The following BABAM2 variants were observed in gnomAD, a reference collection of about 807,000 sequenced individuals.
BABAM2 encodes BRISC and BRCA1-A complex member 2.
A neutral mutation model predicts 54.7 loss-of-function variants in BABAM2; 31 were observed. That is an observed-to-expected ratio of 0.57 (90% CI 0.43 to 0.77). The LOEUF (loss-of-function observed/expected upper bound fraction) is 0.77. BABAM2 is among the 30% of genes least tolerant of loss of function. BABAM2 has a pLI of 0.00. For missense variants in BABAM2, 364 were observed against 455.8 expected (o/e 0.80, Z 1.83); for synonymous variants, 167 against 162.9 (o/e 1.03, Z -0.19).
intron 6 of BABAM2, among the ~76,000 whole-genome samples, chr2:28,054,072 T>A (rs1678206227): frequency 6.6e-6 from 1 of 152,154 alleles, no homozygotes; most frequent in Non-Finnish European, 1.5e-5. Context: ...TAAACCGTTT[T>A]TTTAAATCCA....
chr2:28,092,596 G>A (rs1375829476), intron 6 of BABAM2, among the ~76,000 whole-genome samples: 3 of 152,144 alleles, frequency 2.0e-5, no homozygotes, highest in African/African-American at 7.2e-5. Context: ...GTATACCATG[G>A]GATGGGCCCA....
At chr2:28,303,704 C>A (rs1206413626) in intron 11 of BABAM2, among the ~76,000 whole-genome samples, 1 of 151,916 alleles carries the variant, frequency 6.6e-6, no homozygotes, top group African/African-American at 2.4e-5. Flanking sequence ...CACCTCTCCC[C>A]ACTCCAACGC....
At chr2:27,916,085 C>T (rs1486411598) in intron 2 of BABAM2, among the ~76,000 whole-genome samples, 1 of 152,174 alleles carries the variant, frequency 6.6e-6, no homozygotes, top group African/African-American at 2.4e-5. Context: ...CAAAGCTCTG[C>T]TAGTACATTC....
intron 10 of BABAM2, among the ~76,000 whole-genome samples, chr2:28,288,420 G>C (rs933938832): frequency 1.3e-5 from 2 of 149,340 alleles, no homozygotes; most frequent in Non-Finnish European, 1.5e-5. Context: ...CCCCCTCCCC[G>C]GTTCAAGCAA....
intron 7 of BABAM2, among the ~76,000 whole-genome samples, chr2:28,154,150 T>C (rs1672324819): frequency 6.6e-6 from 1 of 152,190 alleles, no homozygotes; most frequent in Non-Finnish European, 1.5e-5. Flanking sequence ...AGCATATAGC[T>C]CACCTAAGCT....
chr2:28,195,352 G>T lies in BABAM2; in HGVS notation c.681-41850G>T, dbSNP rs146707739. On this transcript the variant is annotated intron_variant, in intron 7 of 11. Transcript: ENST00000379624. ...TCTTACTATACTTTTCAAATGTCTT[G>T]CTCTCTTATAGATAATAATAACATA... Among the ~76,000 whole-genome samples, 687 of 152,072 alleles carry T rather than the reference G, an allele frequency of 4.5e-3. 4 individuals carry two copies. The highest frequency in any genetic ancestry group is 5.6e-3 in the Non-Finnish European group (383 of 67,988).
At chr2:28,327,241 CCTT>C in intron 11 of BABAM2, 2 of 1,575,400 alleles carry the variant, frequency 1.3e-6, no homozygotes, top group Non-Finnish European at 1.7e-6. Context: ...GCTGGCCCTC[CCTT>C]CTCCTCCTCC....
chr2:28,239,741 C>A (rs914867986), intron 8 of BABAM2, among the ~76,000 whole-genome samples: 2 of 152,156 alleles, frequency 1.3e-5, no homozygotes, highest in African/African-American at 4.8e-5. Flanking sequence ...ATTCAAAAAT[C>A]ATCATTTTGC....
rs1688402809 is a variant in BABAM2 at position 28,304,983 on chromosome 2, T to C, written c.1088+6492T>C. On this transcript the variant is annotated intron_variant, in intron 11 of 11. Transcript: ENST00000379624. The surrounding 1 kb of genome is among the most constrained non-coding windows in gnomAD (Gnocchi z 4.0). Reference sequence around the variant, plus strand: ...ATGAGCCAGCACGCCCAGCCTGCAATTTCTTACATAAACAGTCACGCCTTA... The same window carrying C: ...ATGAGCCAGCACGCCCAGCCTGCAACTTCTTACATAAACAGTCACGCCTTA... Among the ~76,000 whole-genome samples the C allele has an allele frequency of 6.6e-6, 1 of 152,204 alleles. No homozygotes were observed. Among genetic ancestry groups the C allele is most frequent in the Non-Finnish European group, 1.5e-5 (1 of 68,028 alleles).
intron 2 of BABAM2, among the ~76,000 whole-genome samples, chr2:27,916,794 G>A (rs912694643): frequency 6.6e-6 from 1 of 152,064 alleles, no homozygotes; most frequent in Non-Finnish European, 1.5e-5. Context: ...AGCTAAAAGT[G>A]GTTTCTCTGC....
At chr2:28,332,092 A>T (rs1005755427) in intron 11 of BABAM2, among the ~76,000 whole-genome samples, 3 of 152,204 alleles carry the variant, frequency 2.0e-5, no homozygotes, top group African/African-American at 7.2e-5. Context: ...GTTGTCTCTT[A>T]TAAGTGGGAG....
chr2:28,295,895 G>T (rs915718079), intron 10 of BABAM2, among the ~76,000 whole-genome samples: 38 of 152,236 alleles, frequency 2.5e-4, no homozygotes, highest in African/African-American at 8.4e-4. Flanking sequence ...ATCATCTGAG[G>T]TCAGGAGTTC....
intron 7 of BABAM2, among the ~76,000 whole-genome samples, chr2:28,175,776 G>C (rs1674861211): frequency 6.6e-6 from 1 of 152,188 alleles, no homozygotes; most frequent in East Asian, 1.9e-4. Flanking sequence ...GGAAACCCAA[G>C]AATTGGCCCA....
At chr2:28,001,836 G>A (rs991197097) in intron 4 of BABAM2, among the ~76,000 whole-genome samples, 2 of 151,962 alleles carry the variant, frequency 1.3e-5, no homozygotes, top group Non-Finnish European at 2.9e-5. Context: ...CATGAGGATA[G>A]ACCCGCCCCT....
intron 3 of BABAM2, among the ~76,000 whole-genome samples, chr2:27,969,509 C>T (rs970805005): frequency 6.6e-6 from 1 of 152,176 alleles, no homozygotes; most frequent in African/African-American, 2.4e-5. Context: ...GTTTACACAT[C>T]CACCCTCATC....
At chr2:28,024,261 C>A (rs543465781) in intron 4 of BABAM2, among the ~76,000 whole-genome samples, 1 of 152,164 alleles carries the variant, frequency 6.6e-6, no homozygotes, top group South Asian at 2.1e-4. Context: ...AAAAAATTAG[C>A]CGGGCCTGGT....
intron 3 of BABAM2, among the ~76,000 whole-genome samples, chr2:27,932,744 T>G (rs1213986364): frequency 6.6e-6 from 1 of 152,180 alleles, no homozygotes; most frequent in Non-Finnish European, 1.5e-5. Context: ...TTGCCTCCCC[T>G]TACACTGGAT....
At chr2:28,183,553 T>G (rs902340937) in intron 7 of BABAM2, among the ~76,000 whole-genome samples, 3 of 152,174 alleles carry the variant, frequency 2.0e-5, no homozygotes, top group Non-Finnish European at 4.4e-5. Flanking sequence ...TGATGGTGCC[T>G]GGGCTTACTT....
chr2:28,196,747 G>A lies in BABAM2; in HGVS notation c.681-40455G>A, dbSNP rs560091301. ...GCCTGTAGTCCTAGCTACTCAGGAG[G>A]CTGAGGTAGAAGGATTGCTGGAGCC... On this transcript the variant is annotated intron_variant, in intron 7 of 11. Transcript: ENST00000379624. Among the ~76,000 whole-genome samples, 357 of 151,580 alleles carry A rather than the reference G, an allele frequency of 2.4e-3. 3 individuals are homozygous for A. The highest frequency in any genetic ancestry group is 8.3e-3 in the African/African-American group (345 of 41,328).
Sources: allele counts gnomAD v4.1 joint callset (sites outside exome capture counted in the v4.1 genomes callset), GRCh38; gene constraint gnomAD v4.1.1; non-coding constraint Gnocchi (gnomAD v3.1); transcripts MANE v1.5; gene names NCBI Gene and HGNC (gene_info 2026-07-23, HGNC 2026-07-21).